TRIM37: variants seen among roughly 807,000 people sequenced by gnomAD.
TRIM37 encodes the protein tripartite motif containing 37.
Under a neutral mutation model 129.8 loss-of-function variants are expected in TRIM37, and 80 were observed. The observed-to-expected ratio is 0.62, with a 90% CI of 0.51 to 0.74. The LOEUF is 0.74. Ranked by LOEUF, TRIM37 falls within the 30% of genes least tolerant of loss-of-function variation. TRIM37 has a pLI of 0.00. For missense variants in TRIM37, 1,054 were observed against 1,176.5 expected (o/e 0.90, Z 1.52); for synonymous variants, 389 against 387.1 (o/e 1.00, Z -0.06).
intron 20 of TRIM37, among the ~76,000 whole-genome samples, 191 bp downstream of exon 20, chr17:59,017,105 G>A (rs371698843): frequency 2.0e-4 from 31 of 152,084 alleles, no homozygotes; most frequent in African/African-American, 3.6e-4. Context: ...TCGAGGCCAC[G>A]GTGAGCCAAG....
chr17:59,038,121 G>C (rs2038762296), intron 17 of TRIM37, among the ~76,000 whole-genome samples: 1 of 152,134 alleles, frequency 6.6e-6, no homozygotes, highest in Non-Finnish European at 1.5e-5. Context: ...ACCTGGGTAG[G>C]TAATGTTTGC....
intron 9 of TRIM37, among the ~76,000 whole-genome samples, chr17:59,065,902 C>T (rs2041884404): frequency 6.6e-6 from 1 of 152,162 alleles, no homozygotes; most frequent in Non-Finnish European, 1.5e-5. Flanking sequence ...GTCTTTTACA[C>T]AGTAAGCAGA....
chr17:59,026,200 A>T (rs949807538), intron 19 of TRIM37, among the ~76,000 whole-genome samples: 1 of 152,206 alleles, frequency 6.6e-6, no homozygotes, highest in Non-Finnish European at 1.5e-5. Flanking sequence ...GTGCTGGGAA[A>T]ACTGGATATC....
At chr17:59,089,343 A>T (rs1782232708) in intron 3 of TRIM37, among the ~76,000 whole-genome samples, 1 of 152,124 alleles carries the variant, frequency 6.6e-6, no homozygotes. Context: ...AGTTAAAATT[A>T]AATAAAAATA....
chr17:59,015,891 A>G (rs995039005), intron 20 of TRIM37, 92 bp from the exon 21 acceptor site: 175 of 1,289,298 alleles, frequency 1.4e-4, no homozygotes, highest in Non-Finnish European at 1.7e-4. Context: ...AAACACAAGG[A>G]TCACTTGAAC....
At chr17:59,001,479 G>T in intron 23 of TRIM37, 119 bp downstream of exon 23, 1 of 1,206,204 alleles carries the variant, frequency 8.3e-7, no homozygotes, top group Non-Finnish European at 1.2e-6. Context: ...AGAAGTAGAA[G>T]CAGAAGAAGC....
At chr17:58,981,520 T>A (rs1255475982), downstream of TRIM37, 2 of 153,266 alleles carry the variant, frequency 1.3e-5, no homozygotes, top group Non-Finnish European at 2.9e-5. Context: ...CCCTGCCCCC[T>A]CACCTTTTTG....
rs2033815186 is a variant in TRIM37, at chr17:59,001,795, A to T, written c.2696-81T>A. 3.9e-6 allele frequency: 6 copies of T among 1,557,400 alleles called. No homozygotes were observed. In the Admixed American group the frequency reaches 1.1e-4, roughly 29 times the overall value. ...AAACAGAAATCTCCGTATCTGCTAAACTGAGATTCCTATTGAATTTTACAT... is the reference window on the plus strand; with the variant it reads ...AAACAGAAATCTCCGTATCTGCTAATCTGAGATTCCTATTGAATTTTACAT... On this transcript the variant is annotated intron_variant, in intron 22 of 23. Transcript: ENST00000262294.
rs1188654178 is a variant in TRIM37 at position 59,056,933 on chromosome 17, A to C, written c.1141T>G (p.Leu381Val). 6.2e-7 allele frequency: 1 copy of C among 1,613,816 alleles called. No individual in the cohort carries two copies. The highest frequency in any genetic ancestry group is 1.7e-5 in the Admixed American group (1 of 59,992). ...TATCCTTCATTTGCGAGTAAGTCCA[A>C]ACGGAAAAATCTATTATAGCCCCAG... ...ECWGYNRFFR[L>V]DLLANEGYLN... is the part of the protein sequence containing the mutation. Residue 381 changes from leucine (L) to valine (V), a missense_variant, in exon 13 of 24, where the codon TTG becomes GTG. By Grantham distance (32) the Leu-to-Val change is conservative. Transcript: ENST00000262294.
intron 2 of TRIM37, among the ~76,000 whole-genome samples, 169 bp from the exon 3 acceptor site, chr17:59,091,509 TC>T (rs1555695192): frequency 7.5e-6 from 1 of 133,098 alleles, no homozygotes. Context: ...ATATAACATA[TC>T]ATATATATAT....
At position 59,074,999 on chromosome 17, in the gene TRIM37, A is replaced by C. The variant is rs143685487; in HGVS notation, c.684+648T>G. Among the ~76,000 whole-genome samples, 194 of 152,328 alleles carry C rather than the reference A, an allele frequency of 1.3e-3. 2 individuals are homozygous for C. In the Middle Eastern group the frequency reaches 0.017, roughly 13 times the overall value. ...GCTAAATTTTAGAGTAATAATCGCT[A>C]CATGTAAAGTAACTGGCAATAATAT... On this transcript the variant is annotated intron_variant, in intron 8 of 23. Coordinates refer to ENST00000262294, the MANE Select transcript of TRIM37 (RefSeq NM_015294.6).
At chr17:59,042,470 A>C (rs1481428754) in intron 16 of TRIM37, among the ~76,000 whole-genome samples, 4 of 112,934 alleles carry the variant, frequency 3.5e-5, no homozygotes, top group African/African-American at 1.3e-4. Context: ...ATATATATAT[A>C]TATATCTCAA....
At position 59,075,710 on chromosome 17, in the gene TRIM37, C is replaced by G; in HGVS notation, c.621G>C (p.Gln207His). The G allele has an allele frequency of 6.2e-7, 1 of 1,609,732 alleles. No homozygotes were observed. Among genetic ancestry groups the G allele is most frequent in the Non-Finnish European group, 8.5e-7 (1 of 1,177,840 alleles). ...CTGTTTCTTGGGTTAGAGATGTCTT[C>G]TGACCTGATGAAAAATAGTGAATCA... ...LKNKLITLMG[Q>H]KTSLTQETEL... The change falls in exon 8 of 24, where the codon CAG becomes CAC. Residue 207 changes from glutamine (Q) to histidine (H), a missense_variant. Physicochemically the swap from Gln to His is conservative, Grantham distance 24. Around this residue, in one of 3 missense-constraint regions of TRIM37, gnomAD observed 752 missense variants for 870.8 expected, o/e 0.86. Transcript: ENST00000262294.
chr17:59,095,878 C>G (rs1166987297), intron 2 of TRIM37, among the ~76,000 whole-genome samples: 2 of 152,138 alleles, frequency 1.3e-5, no homozygotes, highest in Non-Finnish European at 2.9e-5. Context: ...CCACCACATC[C>G]AGCTAATTTT....
Position 58,998,836 on chromosome 17 carries a change from G to C in TRIM37, c.*541C>G. On this transcript the variant is annotated 3_prime_UTR_variant, in exon 24 of 24. Transcript: ENST00000262294. Reference sequence around the variant, plus strand: ...TGAGAGAAGATACATACTCCAAAAAGGAGATTCAGTCTAGTGTTACTTCAG... The same window carrying C: ...TGAGAGAAGATACATACTCCAAAAACGAGATTCAGTCTAGTGTTACTTCAG... The C allele has an allele frequency of 1.0e-6, 1 of 990,496 alleles. No homozygotes were observed. Among genetic ancestry groups the C allele is most frequent in the Non-Finnish European group, 1.2e-6 (1 of 832,910 alleles). 61.4% of individuals were successfully genotyped at this position (990,496 alleles called of 1,614,324 possible).
chr17:59,088,023 A>G (rs1356269322), intron 4 of TRIM37: 4 of 585,782 alleles, frequency 6.8e-6, no homozygotes, highest in Middle Eastern at 4.6e-4. Flanking sequence ...TTACCTTTGT[A>G]TGCCTATCAT....
intron 2 of TRIM37, among the ~76,000 whole-genome samples, chr17:59,094,635 G>A (rs968539769): frequency 4.6e-5 from 7 of 151,982 alleles, no homozygotes; most frequent in African/African-American, 1.7e-4. Context: ...CAAACTGGCT[G>A]CTAACATTTA....
At chr17:58,985,346 C>T (rs1567906439) in intron 24 of TRIM37, among the ~76,000 whole-genome samples, 1 of 152,010 alleles carries the variant, frequency 6.6e-6, no homozygotes, top group African/African-American at 2.4e-5. Flanking sequence ...ATTATTTTAC[C>T]CCAGAAGAGA....
chr17:59,104,425 A>C (rs1402580416), intron 1 of TRIM37, 31 bp from the exon 2 acceptor site: 1 of 1,590,526 alleles, frequency 6.3e-7, no homozygotes, highest in East Asian at 2.2e-5. Flanking sequence ...AAGGTCCACC[A>C]GTTTAGGCTA....
Sources: gnomAD v4.1 joint callset for allele counts (sites outside exome capture counted in the v4.1 genomes callset) on GRCh38, gnomAD v4.1.1 for gene constraint, gnomAD v4.1.1 regional missense constraint, MANE v1.5 for transcripts, NCBI Gene and HGNC (gene_info 2026-07-23, HGNC 2026-07-21) for gene names.